Variants in SAMMSON observed in about 807,000 individuals in gnomAD.
The protein encoded by SAMMSON is long intergenic non-protein coding RNA 1212.
intron 6 of SAMMSON, among the ~76,000 whole-genome samples, chr3:70,282,524 C>T (rs1423895714): frequency 6.6e-6 from 1 of 152,198 alleles, no homozygotes; most frequent in Non-Finnish European, 1.5e-5. Flanking sequence ...ATCACTCAGC[C>T]TGGTTCATTC....
intron 7 of SAMMSON, among the ~76,000 whole-genome samples, chr3:70,296,577 C>T (rs1702291328): frequency 6.6e-6 from 1 of 152,142 alleles, no homozygotes. Context: ...CTCTGTGTTT[C>T]CAGTGGAATA....
At chr3:70,392,289 A>C (rs915795936), downstream of SAMMSON, among the ~76,000 whole-genome samples, 1 of 152,160 alleles carries the variant, frequency 6.6e-6, no homozygotes, top group African/African-American at 2.4e-5. Context: ...CCCATCCCCC[A>C]GGAAGTAAGC....
chr3:70,389,014 C>T (rs1394520129), intron 9 of SAMMSON, among the ~76,000 whole-genome samples: 1 of 152,010 alleles, frequency 6.6e-6, no homozygotes, highest in Non-Finnish European at 1.5e-5. Context: ...CCTGAGAGAG[C>T]AGGTTGTTAA....
chr3:70,250,962 G>A (rs528121215), intron 6 of SAMMSON, among the ~76,000 whole-genome samples: 7 of 152,308 alleles, frequency 4.6e-5, no homozygotes, highest in African/African-American at 1.7e-4. Context: ...AAACTATTAA[G>A]TAATGACATC....
intron 3 of SAMMSON, among the ~76,000 whole-genome samples, chr3:70,020,349 G>A (rs1017935717): frequency 5.3e-5 from 8 of 152,088 alleles, no homozygotes; most frequent in African/African-American, 1.9e-4. Context: ...CACCCTAGAC[G>A]AAAGAGTACA....
chr3:70,170,403 C>T (rs1041755253), intron 4 of SAMMSON, among the ~76,000 whole-genome samples: 15 of 151,280 alleles, frequency 9.9e-5, no homozygotes, highest in African/African-American at 1.7e-4. Flanking sequence ...TGGAATCTGG[C>T]GGAATAATTT....
At chr3:70,373,714 T>A (rs1702988927) in intron 9 of SAMMSON, among the ~76,000 whole-genome samples, 2 of 152,208 alleles carry the variant, frequency 1.3e-5, no homozygotes, top group African/African-American at 4.8e-5. Context: ...GATTATTATT[T>A]TCTCTGACTC....
At chr3:70,062,606 T>C (rs1415310941) in intron 3 of SAMMSON, among the ~76,000 whole-genome samples, 1 of 152,124 alleles carries the variant, frequency 6.6e-6, no homozygotes, top group African/African-American at 2.4e-5. Context: ...CCAATAACCA[T>C]AATCTCTTTG....
At chr3:70,367,961 G>GTT (rs547673470) in intron 9 of SAMMSON, among the ~76,000 whole-genome samples, 9 of 143,976 alleles carry the variant, frequency 6.3e-5, no homozygotes, top group African/African-American at 2.0e-4. Context: ...TTAAAATTGG[G>GTT]TTTTTTTTTT....
chr3:70,395,571 C>G (rs1291497083), intron 2 of SAMMSON, among the ~76,000 whole-genome samples: 1 of 152,066 alleles, frequency 6.6e-6, no homozygotes, highest in East Asian at 1.9e-4. Flanking sequence ...ACTCCTGCCA[C>G]AGTTTTACAA....
chr3:70,419,465 T>C (rs1333919160), intron 2 of SAMMSON, among the ~76,000 whole-genome samples: 1 of 152,200 alleles, frequency 6.6e-6, no homozygotes, highest in Non-Finnish European at 1.5e-5. Flanking sequence ...ATGGTTCCCT[T>C]TATGTTTGAT....
At chr3:70,039,529 A>C (rs2067098458) in intron 3 of SAMMSON, among the ~76,000 whole-genome samples, 1 of 151,276 alleles carries the variant, frequency 6.6e-6, no homozygotes. Flanking sequence ...GCCACACTGA[A>C]GATTTAGTCT....
intron 7 of SAMMSON, among the ~76,000 whole-genome samples, chr3:70,310,138 A>G (rs1486153324): frequency 6.6e-6 from 1 of 152,142 alleles, no homozygotes; most frequent in Non-Finnish European, 1.5e-5. Context: ...TTGTTTTTAA[A>G]GGATTCTATT....
chr3:70,090,120 G>C (rs2067299987), intron 4 of SAMMSON, among the ~76,000 whole-genome samples: 1 of 152,040 alleles, frequency 6.6e-6, no homozygotes, highest in African/African-American at 2.4e-5. Context: ...GAGGTTAGCT[G>C]GGATAGGGCT....
At chr3:70,379,254 C>T (rs1356827400) in intron 9 of SAMMSON, among the ~76,000 whole-genome samples, 5 of 152,044 alleles carry the variant, frequency 3.3e-5, no homozygotes, top group East Asian at 3.9e-4. Context: ...CCTCGTGATC[C>T]GTCTGCCTCG....
intron 2 of SAMMSON, among the ~76,000 whole-genome samples, chr3:70,432,053 CAT>C (rs2106780462): frequency 6.6e-6 from 1 of 152,010 alleles, no homozygotes; most frequent in African/African-American, 2.4e-5. Flanking sequence ...TTTGTATGAA[CAT>C]ATGTTTTTAT....
intron 6 of SAMMSON, among the ~76,000 whole-genome samples, chr3:70,271,014 C>T (rs965741030): frequency 2.0e-5 from 3 of 151,754 alleles, no homozygotes; most frequent in Non-Finnish European, 2.9e-5. Flanking sequence ...GCACATGTAT[C>T]CCAGAACTTC....
chr3:70,206,520 G>A, intron 4 of SAMMSON: 1 of 397,034 alleles, frequency 2.5e-6, no homozygotes, highest in Non-Finnish European at 4.4e-6. Flanking sequence ...TACAGGGGAT[G>A]GGGGTTGGGA....
intron 9 of SAMMSON, among the ~76,000 whole-genome samples, chr3:70,388,194 CTGTAACCTGTAGGCCAAA>C (rs1417433122): frequency 6.6e-6 from 1 of 152,106 alleles, no homozygotes; most frequent in Non-Finnish European, 1.5e-5. Context: ...ATTGAGCAAA[CTGTAACCTGTAGGCCAAA>C]TCCAGCCCAT....
Sources: gnomAD v4.1 joint callset for allele counts (sites outside exome capture counted in the v4.1 genomes callset) on GRCh38, gnomAD v4.1.1 for gene constraint, MANE v1.5 for transcripts, NCBI Gene and HGNC (gene_info 2026-07-23, HGNC 2026-07-21) for gene names.